SIRT3: variants seen among roughly 807,000 people sequenced by gnomAD.
SIRT3 encodes sirtuin 3.
In SIRT3, 26 loss-of-function variants were observed where a neutral mutation model predicts 33.5. The observed-to-expected ratio is 0.78, with a 90% CI of 0.57 to 1.08. The LOEUF (loss-of-function observed/expected upper bound fraction) is 1.08, where lower values mean the gene tolerates loss of function less well. Among genes scored for constraint, SIRT3 ranks in the 50% least tolerant of loss-of-function variants. The pLI, the probability that SIRT3 is intolerant of heterozygous loss-of-function variation, is 0.00. For synonymous variants in SIRT3, 237 were observed against 222.1 expected, an observed-to-expected ratio of 1.07 and a Z score of -0.60; for missense variants, 585 against 530.1, an observed-to-expected ratio of 1.10 and a Z score of -1.02.
chr11:234,619 G>A (rs1858660526), intron 1 of SIRT3, among the ~76,000 whole-genome samples: 1 of 152,054 alleles, frequency 6.6e-6, no homozygotes, highest in African/African-American at 2.4e-5. Flanking sequence ...GTTTCACTGT[G>A]TTAGCCAGGA....
intron 1 of SIRT3, chr11:233,738 A>T: frequency 1.8e-6 from 1 of 568,756 alleles, no homozygotes; most frequent in East Asian, 2.9e-5. Flanking sequence ...ATCAAGACTT[A>T]CTTGGGAGCA....
At position 215,058 on chromosome 11, in the gene SIRT3, A is replaced by G. The variant is rs1298807421; in HGVS notation, c.*1640T>C. The G allele has an allele frequency of 6.4e-6, 1 of 157,362 alleles. No homozygotes were observed. Among genetic ancestry groups the G allele is most frequent in the Non-Finnish European group, 1.4e-5 (1 of 70,742 alleles). 9.7% of individuals were successfully genotyped at this position (157,362 alleles called of 1,614,324 possible). On this transcript the variant is annotated 3_prime_UTR_variant, in exon 7 of 7. Coordinates refer to ENST00000382743, the MANE Select transcript of SIRT3 (RefSeq NM_012239.6). ...CCATAGATTGAGATTTATACCACAT[A>G]CCACACATAGCCACAGAAACATCAT...
chr11:229,176 G>A lies in SIRT3; in HGVS notation c.807+1276C>T, dbSNP rs1290390606. On this transcript the variant is annotated intron_variant, in intron 4 of 6. Coordinates refer to ENST00000382743, the MANE Select transcript of SIRT3 (RefSeq NM_012239.6). ...GTTCCTCAAAAAGTTAAAACGGGCC[G>A]GGCGCAGTGGCTCTCGCCTGTAATC... Among the ~76,000 whole-genome samples, 6 of 151,934 alleles carry A rather than the reference G, an allele frequency of 3.9e-5. No homozygotes were observed. The East Asian group carries it at 5.8e-4, about 15-fold the overall frequency.
chr11:236,189 C>G lies in SIRT3; in HGVS notation c.140G>C (p.Ser47Thr). The G allele has an allele frequency of 6.4e-7, 1 of 1,562,474 alleles. No homozygotes were observed. The highest frequency in any genetic ancestry group is 8.6e-7 in the Non-Finnish European group (1 of 1,156,902). The stretch of plus-strand genomic sequence containing the variant: ...CCCATGGCTGCCTCTCAGCCCCGCA[C>G]TCACATCGTCCCTGCCGCCAAGCAC... ...RLVLGGRDDV[S>T]AGLRGSHGAR... The change falls in exon 1 of 7, where the codon AGT (serine) becomes ACT (threonine). Residue 47 changes from serine (S) to threonine (T), a missense_variant. By Grantham distance (58) the Ser-to-Thr change is moderately conservative. Transcript: ENST00000382743.
chr11:216,835 G>T, intron 6 of SIRT3, 117 bp from the exon 7 acceptor site: 2 of 1,117,608 alleles, frequency 1.8e-6, no homozygotes, highest in Non-Finnish European at 2.7e-6. Flanking sequence ...AAAACAAGCT[G>T]CTTTCTGCAA....
At chr11:232,531 T>C (rs1434043030) in intron 3 of SIRT3, among the ~76,000 whole-genome samples, 1 of 152,162 alleles carries the variant, frequency 6.6e-6, no homozygotes, top group Non-Finnish European at 1.5e-5. Flanking sequence ...CAAAATAATC[T>C]GGGGATTTGG....
intron 4 of SIRT3, among the ~76,000 whole-genome samples, chr11:230,211 C>CAAA (rs752924694): frequency 0.076 from 8,657 of 113,342 alleles, 404 homozygotes; most frequent in African/African-American, 0.084. Flanking sequence ...GACTCAATCT[C>CAAA]AAAAAAAAAA....
intron 6 of SIRT3, 102 bp downstream of exon 6, chr11:218,730 T>TA (rs939759366): frequency 6.4e-7 from 1 of 1,572,042 alleles, no homozygotes; most frequent in African/African-American, 1.4e-5. Flanking sequence ...CATCAGCTAT[T>TA]ACTGTTACTG....
chr11:234,475 C>G (rs571689869), intron 1 of SIRT3, among the ~76,000 whole-genome samples: 1 of 151,934 alleles, frequency 6.6e-6, no homozygotes. Flanking sequence ...AGTGCAGTGT[C>G]GCGATCTCGG....
intron 5 of SIRT3, chr11:222,990 C>T (rs1269661418): frequency 1.3e-5 from 2 of 152,196 alleles, no homozygotes; most frequent in Non-Finnish European, 2.9e-5. Context: ...CTTACACTGA[C>T]ATCTGACCGT....
At chr11:221,397 C>T (rs905609579) in intron 5 of SIRT3, among the ~76,000 whole-genome samples, 1 of 152,210 alleles carries the variant, frequency 6.6e-6, no homozygotes, top group African/African-American at 2.4e-5. Flanking sequence ...AGGTGTGAGC[C>T]ACGGTGCCTG....
At chr11:221,400 G>A (rs1240148656) in intron 5 of SIRT3, among the ~76,000 whole-genome samples, 4 of 152,114 alleles carry the variant, frequency 2.6e-5, no homozygotes, top group Admixed American at 6.6e-5. Flanking sequence ...TGTGAGCCAC[G>A]GTGCCTGGCC....
At chr11:230,576 T>G in intron 3 of SIRT3, 24 bp from the exon 4 acceptor site, 1 of 1,467,510 alleles carries the variant, frequency 6.8e-7, no homozygotes, top group Non-Finnish European at 9.1e-7. Context: ...CAAAGCGAAG[T>G]GTTGCTGCCG....
At chr11:222,286 T>TC (rs1407685303) in intron 5 of SIRT3, 2 of 153,776 alleles carry the variant, frequency 1.3e-5, no homozygotes, top group African/African-American at 4.8e-5. Context: ...GACTCCAGAC[T>TC]CATGTCCACC....
Position 236,159 on chromosome 11 carries a change from CG to C in SIRT3, c.169del (p.Arg57AlafsTer72). The C allele has an allele frequency of 6.4e-7, 1 of 1,567,734 alleles. No individual in the cohort carries two copies. The highest frequency in any genetic ancestry group is 8.6e-7 in the Non-Finnish European group (1 of 1,158,346). ...GCGCGCCGGGTCCAAGGGCTCACCG[CG>C]GGCCCCATGGCTGCCTCTCAGCCCC... ...SAGLRGSHGA[R>X]GEPLDPARPL... On this transcript the variant is annotated frameshift_variant, in exon 1 of 7. Transcript: ENST00000382743. LOFTEE classifies it high-confidence loss of function.
chr11:220,229 T>G (rs1162783976), intron 5 of SIRT3, among the ~76,000 whole-genome samples: 1 of 149,876 alleles, frequency 6.7e-6, no homozygotes, highest in Non-Finnish European at 1.5e-5. Flanking sequence ...ACTCGGGAGG[T>G]TGAGGCAGGA....
intron 4 of SIRT3, among the ~76,000 whole-genome samples, chr11:229,695 G>C (rs1564811670): frequency 6.6e-6 from 1 of 151,956 alleles, no homozygotes; most frequent in Non-Finnish European, 1.5e-5. Flanking sequence ...GGAGGCAGAG[G>C]TTGTATTGAG....
Position 216,444 on chromosome 11 carries a change from G to C in SIRT3, c.*254C>G, listed in dbSNP as rs1855653722. 1 of 500,776 alleles carries C rather than the reference G, an allele frequency of 2.0e-6. No individual in the cohort carries two copies. The allele number at this position is 500,776 out of a possible 1,614,324, so 31.0% of individuals were successfully genotyped here. A position where few individuals can be genotyped will look rare whatever the true frequency, so the allele number is the denominator to read the frequency against. ...TTTCCATTAGGAGCTTCAGCAGAGT[G>C]AAGAGTTCAACACAGCAAACAGGCA... On this transcript the variant is annotated 3_prime_UTR_variant, in exon 7 of 7. Coordinates refer to ENST00000382743, the MANE Select transcript of SIRT3 (RefSeq NM_012239.6).
intron 6 of SIRT3, among the ~76,000 whole-genome samples, chr11:217,595 G>T (rs2133784165): frequency 6.6e-6 from 1 of 152,336 alleles, no homozygotes; most frequent in African/African-American, 2.4e-5. Context: ...TGGGTTCCCT[G>T]CCTCCATAAT....
Sources: gnomAD v4.1 joint callset for allele counts (sites outside exome capture counted in the v4.1 genomes callset) on GRCh38, gnomAD v4.1.1 for gene constraint, MANE v1.5 for transcripts, NCBI Gene and HGNC (gene_info 2026-07-23, HGNC 2026-07-21) for gene names.